DMD: variants seen among roughly 807,000 people sequenced by gnomAD.
DMD encodes the protein dystrophin, also known as mutant dystrophin.
DMD carries 63 observed loss-of-function variants against 330.1 expected under a neutral mutation model. The observed-to-expected ratio is 0.19, with a 90% confidence interval of 0.16 to 0.24. The LOEUF (loss-of-function observed/expected upper bound fraction) is 0.24, where lower values mean the gene tolerates loss of function less well. Ranked by LOEUF, DMD falls within the 10% of genes least tolerant of loss-of-function variation. DMD has a pLI of 1.00. For missense variants in DMD, 3,344 were observed against 2,684.1 expected (o/e 1.25, Z -5.43); for synonymous variants, 1,223 against 959.8 (o/e 1.27, Z -5.07).
chrX:32,802,782 T>G (rs904302641), intron 7 of DMD, among the ~76,000 whole-genome samples: 8 of 112,139 alleles, frequency 7.1e-5, no homozygotes, highest in African/African-American at 2.6e-4. Flanking sequence ...GTTTGTTGGT[T>G]TCTGTATGTT....
chrX:33,225,759 C>A (rs2052275006), intron 1 of DMD, among the ~76,000 whole-genome samples: 1 of 110,277 alleles, frequency 9.1e-6, no homozygotes, highest in African/African-American at 3.3e-5. Context: ...AAAGATGCTG[C>A]CAAGAGGATG....
intron 50 of DMD, among the ~76,000 whole-genome samples, chrX:31,787,465 T>C (rs1432390485): frequency 8.9e-6 from 1 of 112,359 alleles, no homozygotes; most frequent in Admixed American, 9.5e-5. Flanking sequence ...ATGCAGAGGA[T>C]TGTTGGCATA....
chrX:31,987,231 C>G (rs2095515830), intron 44 of DMD, among the ~76,000 whole-genome samples: 1 of 111,674 alleles, frequency 9.0e-6, no homozygotes, highest in South Asian at 3.8e-4. Flanking sequence ...CAATTAAGAC[C>G]TTTACTTGAT....
At chrX:32,455,904 A>G (rs2098355809) in intron 25 of DMD, among the ~76,000 whole-genome samples, 1 of 111,331 alleles carries the variant, frequency 9.0e-6, no homozygotes, top group African/African-American at 3.3e-5. Flanking sequence ...AATGGACTCC[A>G]TTACTCATTA....
chrX:31,950,284 T>A (rs1490866059), intron 45 of DMD, among the ~76,000 whole-genome samples: 1 of 111,715 alleles, frequency 9.0e-6, no homozygotes, highest in Non-Finnish European at 1.9e-5. Flanking sequence ...AATTTCAAAA[T>A]ATTTTGATAT....
chrX:31,425,695 T>TACACACACAC (rs58343053), intron 60 of DMD, among the ~76,000 whole-genome samples: 22 of 103,591 alleles, frequency 2.1e-4, no homozygotes, highest in African/African-American at 7.7e-4. Flanking sequence ...CAGGCATGAG[T>TACACACACAC]ACACACACAC....
At chrX:31,577,004 C>A (rs370070992) in intron 55 of DMD, among the ~76,000 whole-genome samples, 2 of 111,760 alleles carry the variant, frequency 1.8e-5, no homozygotes, top group Non-Finnish European at 3.8e-5. Context: ...CGTGAGCCAC[C>A]GCGCCCGGCC....
intron 50 of DMD, among the ~76,000 whole-genome samples, chrX:31,786,592 A>C (rs920298630): frequency 1.5e-4 from 17 of 111,495 alleles, no homozygotes; most frequent in African/African-American, 5.2e-4. Context: ...TGGATACTGT[A>C]ATGCTTCATC....
intron 9 of DMD, among the ~76,000 whole-genome samples, chrX:32,686,982 C>CA (rs2062931022): frequency 8.9e-6 from 1 of 111,925 alleles, no homozygotes; most frequent in African/African-American, 3.2e-5. Flanking sequence ...TGAGTGTCTT[C>CA]ACCTGTAAAA....
At chrX:31,687,506 A>G (rs750271257) in intron 52 of DMD, among the ~76,000 whole-genome samples, 1 of 111,593 alleles carries the variant, frequency 9.0e-6, no homozygotes, top group East Asian at 2.9e-4. Context: ...TTGGGCTTTA[A>G]GTGAACACCA....
chrX:32,849,945 G>T, intron 2 of DMD, 125 bp from the exon 3 acceptor site: 1 of 550,528 alleles, frequency 1.8e-6, no homozygotes, highest in Non-Finnish European at 2.9e-6. Flanking sequence ...TTAATCTGCC[G>T]AAGATGACGG....
intron 4 of DMD, among the ~76,000 whole-genome samples, chrX:32,827,769 C>G (rs373452981): frequency 6.5e-4 from 71 of 108,524 alleles, no homozygotes; most frequent in African/African-American, 2.1e-3. Flanking sequence ...TCAAGCGATT[C>G]TCCTGCCTCA....
At chrX:33,283,048 G>A (rs995078929) in intron 1 of DMD, among the ~76,000 whole-genome samples, 4 of 111,944 alleles carry the variant, frequency 3.6e-5, no homozygotes, top group African/African-American at 6.5e-5. Flanking sequence ...CATCTTGTCC[G>A]AAATGGAATT....
chrX:32,695,987 T>C (rs1391399000), intron 9 of DMD, among the ~76,000 whole-genome samples: 2 of 112,026 alleles, frequency 1.8e-5, no homozygotes, highest in Admixed American at 1.9e-4. Flanking sequence ...GTCTCTGTGA[T>C]TAAGAATACT....
chrX:33,146,529 G>A (rs760359983), intron 1 of DMD, among the ~76,000 whole-genome samples: 6 of 111,127 alleles, frequency 5.4e-5, no homozygotes, highest in Non-Finnish European at 9.4e-5. Flanking sequence ...TTCTACAGAT[G>A]CAAATGGAAA....
chrX:33,026,620 C>T (rs746178834), intron 1 of DMD, among the ~76,000 whole-genome samples: 1 of 110,971 alleles, frequency 9.0e-6, no homozygotes, highest in South Asian at 3.8e-4. Context: ...AAAATGCTTT[C>T]TATTAAATCT....
At chrX:32,914,929 G>C (rs2087657382) in intron 2 of DMD, among the ~76,000 whole-genome samples, 4 of 110,558 alleles carry the variant, frequency 3.6e-5, no homozygotes, top group Admixed American at 1.9e-4. Flanking sequence ...TTTTGGATGA[G>C]AAAACTGAGG....
rs750779016 is a variant in DMD, at chrX:33,253,852, A to G, written c.7+85407T>C. Among the ~76,000 whole-genome samples the G allele has an allele frequency of 2.7e-3, 305 of 111,214 alleles. 1 individual carries two copies. The highest frequency in any genetic ancestry group is 4.7e-3 in the Non-Finnish European group (249 of 52,720). Reference sequence around the variant, plus strand: ...CCATTCTTAGTTATCAATTTTTGTTATTTTAATAGTAATTTATTCATGTAT... The same window carrying G: ...CCATTCTTAGTTATCAATTTTTGTTGTTTTAATAGTAATTTATTCATGTAT... On this transcript the variant is annotated intron_variant, in intron 1 of 17. Transcript: ENST00000288447.
chrX:32,331,218 T>A lies in DMD; in HGVS notation c.5922+10882A>T, dbSNP rs775538501. On this transcript the variant is annotated intron_variant, in intron 41 of 78. Coordinates refer to ENST00000357033, the MANE Select transcript of DMD (RefSeq NM_004006.3). ...TTTCCACTATGCTAAGAAAAGGGAATGGAAGGAATATGGGCATCCCATTAA... is the reference window on the plus strand; with the variant it reads ...TTTCCACTATGCTAAGAAAAGGGAAAGGAAGGAATATGGGCATCCCATTAA... Among the ~76,000 whole-genome samples, 16 of 111,702 alleles carry A rather than the reference T, an allele frequency of 1.4e-4. No homozygotes were observed. In the South Asian group the frequency reaches 4.8e-3, roughly 33 times the overall value.
Sources: allele counts gnomAD v4.1 joint callset (sites outside exome capture counted in the v4.1 genomes callset), GRCh38; gene constraint gnomAD v4.1.1; transcripts MANE v1.5; gene names NCBI Gene and HGNC (gene_info 2026-07-23, HGNC 2026-07-21).